ZDHHC3: variants seen among roughly 807,000 people sequenced by gnomAD.
The protein encoded by ZDHHC3 is zDHHC palmitoyltransferase 3.
A neutral mutation model predicts 30.6 loss-of-function variants in ZDHHC3; 9 were observed. The observed-to-expected ratio is 0.29, with a 90% CI of 0.18 to 0.51. The LOEUF is 0.51. Among genes scored for constraint, ZDHHC3 ranks in the 20% least tolerant of loss-of-function variants. The pLI is 0.97. For missense variants in ZDHHC3, 246 were observed against 384.2 expected, an observed-to-expected ratio of 0.64 and a Z score of 3.01; for synonymous variants, 136 against 140.2, an observed-to-expected ratio of 0.97 and a Z score of 0.21.
At chr3:44,933,379 G>A (rs931447893) in intron 4 of ZDHHC3, 180 bp from the exon 5 acceptor site, 3 of 623,802 alleles carry the variant, frequency 4.8e-6, no homozygotes, top group Non-Finnish European at 8.5e-6. Context: ...CACCAGCCCT[G>A]GGTCAAGTGA....
chr3:44,943,561 C>T (rs565403704), intron 3 of ZDHHC3, among the ~76,000 whole-genome samples: 1 of 152,330 alleles, frequency 6.6e-6, no homozygotes, highest in African/African-American at 2.4e-5. Flanking sequence ...ATCTCTCACA[C>T]ACCCAAATGT....
intron 3 of ZDHHC3, among the ~76,000 whole-genome samples, chr3:44,935,541 C>T (rs1053131018): frequency 2.0e-5 from 3 of 152,350 alleles, no homozygotes; most frequent in Non-Finnish European, 2.9e-5. Context: ...GGATGACAGG[C>T]AGGAGCCATT....
intron 6 of ZDHHC3, among the ~76,000 whole-genome samples, 169 bp downstream of exon 6, chr3:44,929,137 T>C (rs1405857010): frequency 2.0e-5 from 3 of 152,196 alleles, no homozygotes; most frequent in Non-Finnish European, 4.4e-5. Context: ...AGGACTTGTG[T>C]GTGGATGAAG....
At position 44,926,469 on chromosome 3, in the gene ZDHHC3, C is replaced by A; in HGVS notation, c.*220G>T. 1.6e-6 allele frequency: 2 copies of A among 1,273,688 alleles called. No homozygotes were observed. Among genetic ancestry groups the A allele is most frequent in the East Asian group, 6.3e-5 (2 of 31,968 alleles). The allele number at this position is 1,273,688 out of a possible 1,614,324, so 78.9% of individuals were successfully genotyped here. ...AAGTGATTTTAAAAGGAAAAGAGAGCAGCTTCGGTCACCAAAAGAAATCGA... is the reference window on the plus strand; with the variant it reads ...AAGTGATTTTAAAAGGAAAAGAGAGAAGCTTCGGTCACCAAAAGAAATCGA... On this transcript the variant is annotated 3_prime_UTR_variant, in exon 7 of 7. Coordinates refer to ENST00000424952, the MANE Select transcript of ZDHHC3 (RefSeq NM_001135179.2).
intron 5 of ZDHHC3, 129 bp downstream of exon 5, chr3:44,932,989 G>A (rs752136731): frequency 6.2e-7 from 1 of 1,614,100 alleles, no homozygotes; most frequent in East Asian, 2.2e-5. Flanking sequence ...TCAGTCCATA[G>A]GCTTTCAGGA....
intron 2 of ZDHHC3, among the ~76,000 whole-genome samples, chr3:44,958,040 C>A (rs1704105946): frequency 6.6e-6 from 1 of 152,164 alleles, no homozygotes; most frequent in African/African-American, 2.4e-5. Flanking sequence ...TAGGATTATA[C>A]CCATATACAT....
intron 2 of ZDHHC3, among the ~76,000 whole-genome samples, chr3:44,954,174 C>T (rs1430162828): frequency 1.3e-5 from 2 of 151,274 alleles, no homozygotes; most frequent in Non-Finnish European, 2.9e-5. Context: ...CTGTTTACAG[C>T]AAGGTGTTCA....
chr3:44,966,966 G>A (rs1009902754), intron 1 of ZDHHC3, among the ~76,000 whole-genome samples: 6 of 152,208 alleles, frequency 3.9e-5, no homozygotes, highest in Non-Finnish European at 8.8e-5. Flanking sequence ...CAGGCAGAGT[G>A]AGCTGGCCTG....
intron 2 of ZDHHC3, chr3:44,958,662 T>C: frequency 6.5e-7 from 1 of 1,536,104 alleles, no homozygotes; most frequent in Non-Finnish European, 8.7e-7. Context: ...CCAAGCAAAG[T>C]GAAGGCCATT....
chr3:44,919,267 T>C lies in ZDHHC3; in HGVS notation c.*7422A>G, dbSNP rs1700431673. 1 of 247,740 alleles carries C rather than the reference T, an allele frequency of 4.0e-6. No homozygotes were observed. Among genetic ancestry groups the C allele is most frequent in the Non-Finnish European group, 6.4e-6 (1 of 156,210 alleles). 15.3% of individuals were successfully genotyped at this position (247,740 alleles called of 1,614,324 possible). ...AATAATGAAACGTATCAACACCATA[T>C]GCCTCCTGATACGGTGCAACGAGGA... On this transcript the variant is annotated 3_prime_UTR_variant, in exon 7 of 7. Transcript: ENST00000424952.
At chr3:44,954,903 G>C (rs1355316226) in intron 2 of ZDHHC3, among the ~76,000 whole-genome samples, 1 of 152,182 alleles carries the variant, frequency 6.6e-6, no homozygotes, top group African/African-American at 2.4e-5. Flanking sequence ...ATGAGGAAAA[G>C]AGAGAGAAGG....
rs374804123 is a variant in ZDHHC3 at position 44,959,301 on chromosome 3, C to T, written c.136G>A (p.Ala46Thr). 5.5e-5 allele frequency: 88 copies of T among 1,614,098 alleles called. No individual in the cohort carries two copies. Among genetic ancestry groups the T allele is most frequent in the Middle Eastern group, 4.9e-4 (3 of 6,084 alleles). ...MWFIRDGCGI[A>T]CAIVTWFLVL... is the part of the protein sequence containing the mutation. ...AGAAACCAGGTAACGATGGCACAGGCGATGCCACAGCCGTCACGGATAAAC... is the reference window on the plus strand; with the variant it reads ...AGAAACCAGGTAACGATGGCACAGGTGATGCCACAGCCGTCACGGATAAAC... The change falls in exon 2 of 7, where the codon GCC becomes ACC. Residue 46 changes from alanine (A) to threonine (T), a missense_variant. Ala to Thr is a moderately conservative substitution (Grantham distance 58). Coordinates refer to ENST00000424952, the MANE Select transcript of ZDHHC3 (RefSeq NM_001135179.2). The surrounding 1 kb of genome is among the most constrained non-coding windows in gnomAD (Gnocchi z 4.3).
chr3:44,950,497 T>C lies in ZDHHC3; in HGVS notation c.307-5205A>G, dbSNP rs758390213. Among the ~76,000 whole-genome samples, 4 of 152,292 alleles carry C rather than the reference T, an allele frequency of 2.6e-5. No homozygotes were observed. The South Asian group carries it at 8.3e-4, about 32-fold the overall frequency. On this transcript the variant is annotated intron_variant, in intron 2 of 6. Coordinates refer to ENST00000424952, the MANE Select transcript of ZDHHC3 (RefSeq NM_001135179.2). Reference sequence around the variant, plus strand: ...TTCCAGACCTTGAGTAGAGACATCATTCAGCAGCTCAGCCTTTCTAAACAT... The same window carrying C: ...TTCCAGACCTTGAGTAGAGACATCACTCAGCAGCTCAGCCTTTCTAAACAT...
intron 3 of ZDHHC3, among the ~76,000 whole-genome samples, chr3:44,937,048 CTA>C (rs1452438318): frequency 6.6e-6 from 1 of 151,930 alleles, no homozygotes; most frequent in African/African-American, 2.4e-5. Context: ...TTAATGAATT[CTA>C]GTCTCCTTTT....
At position 44,959,056 on chromosome 3, in the gene ZDHHC3, A is replaced by G. The variant is rs1449694307; in HGVS notation, c.306+75T>C. 1.3e-5 allele frequency: 20 copies of G among 1,544,502 alleles called. No homozygotes were observed. The highest frequency in any genetic ancestry group is 1.7e-5 in the Non-Finnish European group (19 of 1,129,948). Reference sequence around the variant, plus strand: ...TCCAAGTTCCCAAGGTCCAGGGGGAACATGCAGGCTGTGGCCATGCCAGAG... The same window carrying G: ...TCCAAGTTCCCAAGGTCCAGGGGGAGCATGCAGGCTGTGGCCATGCCAGAG... On this transcript the variant is annotated intron_variant, in intron 2 of 6. Coordinates refer to ENST00000424952, the MANE Select transcript of ZDHHC3 (RefSeq NM_001135179.2). The surrounding 1 kb of genome is among the most constrained non-coding windows in gnomAD (Gnocchi z 4.3).
intron 1 of ZDHHC3, chr3:44,970,010 C>T (rs1452919967): frequency 1.3e-5 from 2 of 152,230 alleles, no homozygotes; most frequent in African/African-American, 4.8e-5. Context: ...CACACAGCCA[C>T]TGTGACATCA....
Position 44,926,943 on chromosome 3 carries a change from T to C in ZDHHC3, c.742-96A>G, listed in dbSNP as rs2125804613. On this transcript the variant is annotated intron_variant, in intron 6 of 6. Coordinates refer to ENST00000424952, the MANE Select transcript of ZDHHC3 (RefSeq NM_001135179.2). ...AGCGACAGGTGAATGGAGTAAATGT[T>C]TCCTTTTTAAAGCAACAAAGCTATC... The C allele has an allele frequency of 2.1e-6, 3 of 1,430,208 alleles. No homozygotes were observed. The South Asian group carries it at 4.8e-5, about 23-fold the overall frequency. 88.6% of individuals were successfully genotyped at this position (1,430,208 alleles called of 1,614,324 possible).
At chr3:44,940,471 C>T (rs1292897325) in intron 3 of ZDHHC3, among the ~76,000 whole-genome samples, 1 of 152,232 alleles carries the variant, frequency 6.6e-6, no homozygotes, top group East Asian at 1.9e-4. Context: ...CCACAGTCCT[C>T]TCCTGGCATT....
At position 44,917,446 on chromosome 3, in the gene ZDHHC3, C is replaced by T. The variant is rs1048330185; in HGVS notation, c.*9243G>A. ...CCAGGTCCCCAAGGCAAGCCCTGCC[C>T]GGTCCTTCTGTCACAACCTTACTTC... On this transcript the variant is annotated 3_prime_UTR_variant, in exon 7 of 7. Transcript: ENST00000424952. 4 of 182,086 alleles carry T rather than the reference C, an allele frequency of 2.2e-5. No homozygotes were observed. Among genetic ancestry groups the T allele is most frequent in the South Asian group, 1.1e-4 (1 of 8,884 alleles). The allele number at this position is 182,086 out of a possible 1,614,324, so 11.3% of individuals were successfully genotyped here.
Sources: gnomAD v4.1 joint callset for allele counts (sites outside exome capture counted in the v4.1 genomes callset) on GRCh38, gnomAD v4.1.1 for gene constraint, Gnocchi (gnomAD v3.1) non-coding constraint, MANE v1.5 for transcripts, NCBI Gene and HGNC (gene_info 2026-07-23, HGNC 2026-07-21) for gene names.